Variants in SAMMSON observed in about 807,000 individuals in gnomAD.
SAMMSON encodes the protein survival associated mitochondrial melanoma specific oncogenic non-coding RNA, also known as long intergenic non-protein coding RNA 1212.
At chr3:70,370,259 T>C (rs1702955688) in intron 9 of SAMMSON, among the ~76,000 whole-genome samples, 1 of 152,084 alleles carries the variant, frequency 6.6e-6, no homozygotes, top group Non-Finnish European at 1.5e-5. Flanking sequence ...TTGTGAATAG[T>C]GCTGCAATAA....
At chr3:70,064,431 G>A (rs1264108772) in intron 3 of SAMMSON, among the ~76,000 whole-genome samples, 1 of 152,054 alleles carries the variant, frequency 6.6e-6, no homozygotes, top group Non-Finnish European at 1.5e-5. Context: ...GATTTTCAAG[G>A]AATAATATTG....
At chr3:70,115,835 A>G (rs891791363) in intron 4 of SAMMSON, among the ~76,000 whole-genome samples, 5 of 152,184 alleles carry the variant, frequency 3.3e-5, no homozygotes, top group African/African-American at 1.2e-4. Context: ...AATAATATTC[A>G]AAAGAAATCA....
intron 3 of SAMMSON, among the ~76,000 whole-genome samples, chr3:70,047,167 C>T (rs527643725): frequency 4.4e-4 from 67 of 152,094 alleles, no homozygotes; most frequent in African/African-American, 1.5e-3. Context: ...CTCTTTTGGA[C>T]CCCTTACAAA....
intron 4 of SAMMSON, among the ~76,000 whole-genome samples, chr3:70,191,541 T>C (rs745683693): frequency 2.0e-4 from 31 of 152,222 alleles, no homozygotes; most frequent in Non-Finnish European, 4.4e-4. Flanking sequence ...AAGGATTAAA[T>C]TGCAATACAT....
intron 3 of SAMMSON, among the ~76,000 whole-genome samples, chr3:70,062,028 C>T (rs1025923336): frequency 6.6e-6 from 1 of 152,040 alleles, no homozygotes; most frequent in African/African-American, 2.4e-5. Context: ...TAGTCTTCAC[C>T]ATTCTACAGG....
At position 70,202,520 on chromosome 3, in the gene SAMMSON, C is replaced by T. The variant is rs567658435; in HGVS notation, n.508-46587C>T. On this transcript the variant is annotated intron_variant and non_coding_transcript_variant, in intron 4 of 9. Coordinates refer to ENST00000642114, the Ensembl canonical transcript of SAMMSON. Reference sequence around the variant, plus strand: ...GTCACAAGTTCTTTGTATATTAAATCTCCTCTATAGAACACCTGGCATCCT... The same window carrying T: ...GTCACAAGTTCTTTGTATATTAAATTTCCTCTATAGAACACCTGGCATCCT... Among the ~76,000 whole-genome samples the T allele has an allele frequency of 1.1e-4, 16 of 152,250 alleles. No individual in the cohort carries two copies. In the South Asian group the frequency reaches 3.3e-3, roughly 32 times the overall value.
intron 6 of SAMMSON, among the ~76,000 whole-genome samples, chr3:70,281,871 C>T (rs1160317313): frequency 1.3e-5 from 2 of 152,170 alleles, no homozygotes; most frequent in African/African-American, 4.8e-5. Flanking sequence ...TCTAGTTCAT[C>T]ATACCTTGGG....
At chr3:70,339,724 G>C (rs891223144) in intron 7 of SAMMSON, among the ~76,000 whole-genome samples, 2 of 152,142 alleles carry the variant, frequency 1.3e-5, no homozygotes, top group African/African-American at 4.8e-5. Context: ...ACACCAGTTA[G>C]AATGGCGATC....
chr3:70,398,081 A>G (rs1218760264), intron 2 of SAMMSON, among the ~76,000 whole-genome samples: 1 of 152,212 alleles, frequency 6.6e-6, no homozygotes, highest in Non-Finnish European at 1.5e-5. Context: ...AAATTTCTGG[A>G]AGCAAATCTA....
At chr3:70,306,775 C>A (rs935608211) in intron 7 of SAMMSON, among the ~76,000 whole-genome samples, 1 of 152,058 alleles carries the variant, frequency 6.6e-6, no homozygotes, top group Non-Finnish European at 1.5e-5. Context: ...AAATGTCCCA[C>A]TAAAACAATT....
intron 3 of SAMMSON, among the ~76,000 whole-genome samples, chr3:70,049,063 T>A (rs1356266255): frequency 6.6e-6 from 1 of 152,150 alleles, no homozygotes; most frequent in African/African-American, 2.4e-5. Context: ...GAGACATAAC[T>A]CCTAAGATAA....
rs938764485 is a variant in SAMMSON, at chr3:70,397,571, C to T, written n.233+39247C>T. Among the ~76,000 whole-genome samples, 7 of 152,114 alleles carry T rather than the reference C, an allele frequency of 4.6e-5. No homozygotes were observed. The South Asian group carries it at 6.2e-4, about 14-fold the overall frequency. Reference sequence around the variant, plus strand: ...TGAAGACTGAAGTTGTGTCCACTTTCGGATTAACAATATGTGTGTGTGATT... The same window carrying T: ...TGAAGACTGAAGTTGTGTCCACTTTTGGATTAACAATATGTGTGTGTGATT... On this transcript the variant is annotated intron_variant and non_coding_transcript_variant, in intron 2 of 3. Coordinates refer to the SAMMSON transcript ENST00000641053.
At chr3:70,391,985 C>T (rs2106757727), downstream of SAMMSON, among the ~76,000 whole-genome samples, 1 of 152,244 alleles carries the variant, frequency 6.6e-6, no homozygotes, top group East Asian at 1.9e-4. Flanking sequence ...ACTCTACTAT[C>T]TGTTTTTATG....
At chr3:70,350,675 AACTTATG>A (rs1243364802) in intron 7 of SAMMSON, among the ~76,000 whole-genome samples, 1 of 152,120 alleles carries the variant, frequency 6.6e-6, no homozygotes, top group Non-Finnish European at 1.5e-5. Context: ...TTCCTTATTA[AACTTATG>A]TTCTATAGGA....
intron 4 of SAMMSON, among the ~76,000 whole-genome samples, chr3:70,139,843 A>G (rs1001885604): frequency 6.6e-6 from 1 of 152,122 alleles, no homozygotes; most frequent in South Asian, 2.1e-4. Flanking sequence ...TTCTATTTAG[A>G]TGGCTGACTA....
At chr3:70,075,106 G>C (rs1005238117) in intron 4 of SAMMSON, 1 of 151,908 alleles carries the variant, frequency 6.6e-6, no homozygotes, top group Non-Finnish European at 1.5e-5. Context: ...TTTGATTCCT[G>C]TCTTCAAGGA....
At chr3:70,393,786 G>A (rs1261157787), downstream of SAMMSON, among the ~76,000 whole-genome samples, 1 of 152,118 alleles carries the variant, frequency 6.6e-6, no homozygotes, top group African/African-American at 2.4e-5. Flanking sequence ...AAACTCATAA[G>A]GCAGAGGTAG....
chr3:70,174,580 T>C (rs1232550294), intron 4 of SAMMSON, among the ~76,000 whole-genome samples: 1 of 152,020 alleles, frequency 6.6e-6, no homozygotes, highest in Non-Finnish European at 1.5e-5. Context: ...AAAAATATGC[T>C]AGTGAGAGGT....
intron 4 of SAMMSON, among the ~76,000 whole-genome samples, chr3:70,108,827 T>C (rs972205509): frequency 1.3e-5 from 2 of 152,100 alleles, no homozygotes; most frequent in African/African-American, 2.4e-5. Context: ...CTTGAACTTT[T>C]CAGTTTCCAG....
Sources: gnomAD v4.1 joint callset for allele counts (sites outside exome capture counted in the v4.1 genomes callset) on GRCh38, gnomAD v4.1.1 for gene constraint, MANE v1.5 for transcripts, NCBI Gene and HGNC (gene_info 2026-07-23, HGNC 2026-07-21) for gene names.